SNX31: variants seen among roughly 807,000 people sequenced by gnomAD.
SNX31 encodes sorting nexin 31.
In SNX31, 58 loss-of-function variants were observed where a neutral mutation model predicts 65.4. The ratio of observed to expected loss-of-function variants is 0.89; its 90% CI spans 0.72 to 1.10. SNX31 has a LOEUF of 1.10. Ranked by LOEUF, SNX31 falls within the 50% of genes least tolerant of loss-of-function variation. SNX31 has a pLI of 0.00. For synonymous variants in SNX31, 181 were observed against 190.1 expected (o/e 0.95, Z 0.39); for missense variants, 523 against 529.7 (o/e 0.99, Z 0.12).
chr8:100,603,033 TG>T (rs1815792045), intron 8 of SNX31, among the ~76,000 whole-genome samples: 1 of 152,092 alleles, frequency 6.6e-6, no homozygotes, highest in Non-Finnish European at 1.5e-5. Flanking sequence ...AGCGAGTAAG[TG>T]GCAGGAGTTA....
At chr8:100,596,865 G>T (rs771184668) in intron 9 of SNX31, 23 bp from the exon 10 acceptor site, 12 of 1,609,744 alleles carry the variant, frequency 7.5e-6, no homozygotes, top group African/African-American at 2.7e-5. Flanking sequence ...GGGTGATGTG[G>T]GGGGAGGGGA....
Position 100,584,206 on chromosome 8 carries a change from AAAG to A in SNX31, c.1093-21_1093-19del. The A allele has an allele frequency of 6.3e-7, 1 of 1,584,904 alleles. No individual in the cohort carries two copies. Among genetic ancestry groups the A allele is most frequent in the Non-Finnish European group, 8.6e-7 (1 of 1,167,874 alleles). On this transcript the variant is annotated intron_variant, in intron 11 of 13. Transcript: ENST00000311812. Reference sequence around the variant, plus strand: ...AAAAAAGCCTAAGAAATGCAGGAATAAAGAACTCTTGTAACCGAAGAAATCTTC... The same window carrying A: ...AAAAAAGCCTAAGAAATGCAGGAATAAACTCTTGTAACCGAAGAAATCTTC...
rs1304349711 is a variant in SNX31, at chr8:100,622,903, A to T, written c.322-5173T>A. 1.3e-5 allele frequency among the ~76,000 whole-genome samples: 2 copies of T among 152,158 alleles called. No homozygotes were observed. Among genetic ancestry groups the T allele is most frequent in the Non-Finnish European group, 2.9e-5 (2 of 68,032 alleles). ...AAAGAACCTGCACATCAAGGGAGGT[A>T]AGAGGTTAAAGCGCCACCCAACCTG... On this transcript the variant is annotated intron_variant, in intron 4 of 13. Transcript: ENST00000311812. This position sits in a 1 kb window ranked among gnomAD's most constrained non-coding sequence, Gnocchi z 5.0.
At chr8:100,579,041 C>T (rs1813285540) in intron 12 of SNX31, among the ~76,000 whole-genome samples, 1 of 151,816 alleles carries the variant, frequency 6.6e-6, no homozygotes, top group Admixed American at 6.6e-5. Context: ...TTTAAAAAAC[C>T]AGTTATTAAG....
intron 8 of SNX31, among the ~76,000 whole-genome samples, chr8:100,603,458 G>C (rs978709352): frequency 6.7e-6 from 1 of 148,638 alleles, no homozygotes; most frequent in African/African-American, 2.5e-5. Flanking sequence ...TTTTTGAGAC[G>C]GAGTTTTGCT....
chr8:100,590,605 C>A (rs1203121369), intron 10 of SNX31, among the ~76,000 whole-genome samples: 1 of 151,870 alleles, frequency 6.6e-6, no homozygotes, highest in African/African-American at 2.4e-5. Flanking sequence ...ATGGTAAAAC[C>A]CCATCTCTAC....
At chr8:100,649,370 G>A in intron 1 of SNX31, 22 bp from the exon 2 acceptor site, 3 of 1,613,042 alleles carry the variant, frequency 1.9e-6, no homozygotes, top group Non-Finnish European at 2.5e-6. Context: ...CAGACACCCC[G>A]TCCCTGGTGA....
rs1279237940 is a variant in SNX31 at position 100,612,114 on chromosome 8, C to G, written c.524-27G>C. 2.0e-6 allele frequency: 3 copies of G among 1,492,670 alleles called. No homozygotes were observed. In the South Asian group the frequency reaches 3.4e-5, roughly 17 times the overall value. 92.5% of individuals were successfully genotyped at this position (1,492,670 alleles called of 1,614,324 possible). ...TAGAGAAAGGAGAAAGCCGGTCTTA[C>G]TGGTTGAAACAGCACAGACAGCTTA... On this transcript the variant is annotated intron_variant, in intron 6 of 13. Coordinates refer to ENST00000311812, the MANE Select transcript of SNX31 (RefSeq NM_152628.4). The surrounding 1 kb of genome is among the most constrained non-coding windows in gnomAD (Gnocchi z 4.3).
chr8:100,601,418 T>G lies in SNX31; in HGVS notation c.682-977A>C, dbSNP rs188512097. On this transcript the variant is annotated intron_variant, in intron 8 of 13. Transcript: ENST00000311812. ...CTAATTTTTATAAAACAACAAAAAA[T>G]AAATATAAAACAACATAAAACCCTC... Among the ~76,000 whole-genome samples the G allele has an allele frequency of 9.9e-5, 15 of 152,124 alleles. No homozygotes were observed. The East Asian group carries it at 2.9e-3, about 29-fold the overall frequency.
intron 8 of SNX31, among the ~76,000 whole-genome samples, chr8:100,607,367 C>T (rs1392389571): frequency 6.6e-6 from 1 of 152,134 alleles, no homozygotes; most frequent in African/African-American, 2.4e-5. Context: ...GCGGCAGCAC[C>T]GGCTGACCAT....
chr8:100,661,107 G>A (rs1191046922), intron 1 of SNX31, among the ~76,000 whole-genome samples: 1 of 150,688 alleles, frequency 6.6e-6, no homozygotes, highest in Non-Finnish European at 1.5e-5. Context: ...CCAGGTTCAA[G>A]CGATTCTCCT....
rs1333885439 is a variant in SNX31, at chr8:100,588,688, C to T, written c.1092+178G>A. 2.0e-5 allele frequency among the ~76,000 whole-genome samples: 3 copies of T among 152,270 alleles called. No homozygotes were observed. The highest frequency in any genetic ancestry group is 2.0e-4 in the Admixed American group (3 of 15,288). On this transcript the variant is annotated intron_variant, in intron 11 of 13. Coordinates refer to ENST00000311812, the MANE Select transcript of SNX31 (RefSeq NM_152628.4). The surrounding 1 kb of genome is among the most constrained non-coding windows in gnomAD (Gnocchi z 4.8). ...CTAACTGATACAAAGGCCACGGTGACTAGTAAAATATAACAAAACATAAAA... is the reference window on the plus strand; with the variant it reads ...CTAACTGATACAAAGGCCACGGTGATTAGTAAAATATAACAAAACATAAAA...
intron 10 of SNX31, among the ~76,000 whole-genome samples, chr8:100,592,517 C>G (rs1434894321): frequency 1.3e-5 from 2 of 152,198 alleles, no homozygotes; most frequent in African/African-American, 4.8e-5. Flanking sequence ...CCCTCCACTG[C>G]TGCTGGGGAT....
intron 10 of SNX31, among the ~76,000 whole-genome samples, chr8:100,591,436 C>G (rs1443738565): frequency 1.4e-5 from 2 of 147,000 alleles, no homozygotes; most frequent in Non-Finnish European, 3.0e-5. Flanking sequence ...TTGCAGTGAG[C>G]CGAGATCGCG....
chr8:100,584,690 G>GA (rs1554571599), intron 11 of SNX31, among the ~76,000 whole-genome samples: 1 of 148,806 alleles, frequency 6.7e-6, no homozygotes, highest in East Asian at 1.9e-4. Context: ...TTACTAAACT[G>GA]AAAAAAAAGA....
At chr8:100,602,658 G>A (rs1487411668) in intron 8 of SNX31, among the ~76,000 whole-genome samples, 1 of 152,106 alleles carries the variant, frequency 6.6e-6, no homozygotes, top group Non-Finnish European at 1.5e-5. Context: ...AGTAAAACTG[G>A]GGCCTTGAAC....
At chr8:100,599,430 A>T (rs944755764) in intron 9 of SNX31, among the ~76,000 whole-genome samples, 1 of 152,066 alleles carries the variant, frequency 6.6e-6, no homozygotes, top group Non-Finnish European at 1.5e-5. Flanking sequence ...ATTTACAAAC[A>T]CACAGAGAAA....
intron 11 of SNX31, among the ~76,000 whole-genome samples, chr8:100,587,630 G>A (rs1055641934): frequency 2.0e-5 from 3 of 152,212 alleles, no homozygotes; most frequent in Non-Finnish European, 2.9e-5. Flanking sequence ...GGTGATGCCC[G>A]ACAACCACAG....
At chr8:100,574,883 G>A (rs1048843792) in intron 13 of SNX31, among the ~76,000 whole-genome samples, 3 of 152,098 alleles carry the variant, frequency 2.0e-5, no homozygotes, top group Non-Finnish European at 2.9e-5. Flanking sequence ...GCAATGAGCC[G>A]AGATGGCACC....
Sources: allele counts gnomAD v4.1 joint callset (sites outside exome capture counted in the v4.1 genomes callset), GRCh38; gene constraint gnomAD v4.1.1; non-coding constraint Gnocchi (gnomAD v3.1); transcripts MANE v1.5; gene names NCBI Gene and HGNC (gene_info 2026-07-23, HGNC 2026-07-21).